XPR1: variants seen among roughly 807,000 people sequenced by gnomAD.
The protein encoded by XPR1 is xenotropic and polytropic retrovirus receptor 1, also known as solute carrier family 53 member 1.
Under a neutral mutation model 87.5 loss-of-function variants are expected in XPR1, and 28 were observed. The observed-to-expected ratio is 0.32, with a 90% CI of 0.24 to 0.44. The LOEUF (loss-of-function observed/expected upper bound fraction) is 0.44. Among genes scored for constraint, XPR1 ranks in the 20% least tolerant of loss-of-function variants. The probability of loss-of-function intolerance (pLI) is 1.00; values close to 1 mark genes in which losing one functional copy is unlikely to be tolerated. For synonymous variants in XPR1, 300 were observed against 306.1 expected, an observed-to-expected ratio of 0.98 and a Z score of 0.21; for missense variants, 559 against 862.3, an observed-to-expected ratio of 0.65 and a Z score of 4.41.
intron 7 of XPR1, among the ~76,000 whole-genome samples, chr1:180,817,461 C>G (rs1650451814): frequency 6.6e-6 from 1 of 152,178 alleles, no homozygotes; most frequent in Non-Finnish European, 1.5e-5. Flanking sequence ...GTACCCTATA[C>G]AGGTGTACCA....
intron 1 of XPR1, among the ~76,000 whole-genome samples, chr1:180,681,104 T>C (rs551688295): frequency 9.9e-5 from 15 of 152,222 alleles, no homozygotes; most frequent in Non-Finnish European, 5.9e-5. Context: ...TTAAAGGATA[T>C]AGAATTACAG....
chr1:180,729,074 A>G (rs1000922205), intron 2 of XPR1, among the ~76,000 whole-genome samples: 4 of 152,178 alleles, frequency 2.6e-5, no homozygotes, highest in Admixed American at 2.6e-4. Flanking sequence ...TCCTGCTTAT[A>G]AATGAGAACA....
chr1:180,884,891 C>T lies in XPR1; in HGVS notation c.*825C>T, dbSNP rs1446948828. On this transcript the variant is annotated 3_prime_UTR_variant, in exon 15 of 15. Coordinates refer to ENST00000367590, the MANE Select transcript of XPR1 (RefSeq NM_004736.4). ...TAAGCCAAAGTTTCATTGCTAACTTCTTAAGTTGCTGCTGCTTTAGAGTCC... is the reference window on the plus strand; with the variant it reads ...TAAGCCAAAGTTTCATTGCTAACTTTTTAAGTTGCTGCTGCTTTAGAGTCC... 1 of 152,364 alleles carries T rather than the reference C, an allele frequency of 6.6e-6. No individual in the cohort carries two copies. Among genetic ancestry groups the T allele is most frequent in the Non-Finnish European group, 1.5e-5 (1 of 68,046 alleles). The allele number at this position is 152,364 out of a possible 1,614,324, so 9.4% of individuals were successfully genotyped here.
In XPR1 at chr1:180,806,457, A is replaced by G. The variant is rs1213561498; in HGVS notation, c.598-17A>G. The G allele has an allele frequency of 1.2e-6, 2 of 1,611,494 alleles. No individual in the cohort carries two copies. Among genetic ancestry groups the G allele is most frequent in the South Asian group, 1.1e-5 (1 of 90,732 alleles). On this transcript the variant is annotated splice_polypyrimidine_tract_variant and intron_variant, in intron 5 of 14. Transcript: ENST00000367590. ...TTTAGTATAACCTAACCAAAATGTA[A>G]TAATTTGTCTTTCTAGGCTGTAGTG...
At chr1:180,733,374 C>G (rs1347528330) in intron 2 of XPR1, among the ~76,000 whole-genome samples, 1 of 152,208 alleles carries the variant, frequency 6.6e-6, no homozygotes, top group Non-Finnish European at 1.5e-5. Flanking sequence ...ACTCCCGTAT[C>G]ATTTTGGCTC....
intron 2 of XPR1, among the ~76,000 whole-genome samples, chr1:180,703,030 AATT>A (rs1435343772): frequency 2.6e-5 from 4 of 152,010 alleles, no homozygotes; most frequent in Non-Finnish European, 5.9e-5. Context: ...GTAGTTTCTG[AATT>A]ATTTATGTAG....
intron 13 of XPR1, among the ~76,000 whole-genome samples, chr1:180,877,790 CA>C (rs1652710079): frequency 6.6e-6 from 1 of 151,790 alleles, no homozygotes; most frequent in South Asian, 2.1e-4. Flanking sequence ...TAACTTTCAA[CA>C]GCAACAGTGA....
chr1:180,829,101 G>A (rs1157486542), intron 9 of XPR1, among the ~76,000 whole-genome samples: 1 of 152,088 alleles, frequency 6.6e-6, no homozygotes, highest in African/African-American at 2.4e-5. Context: ...GAGGCTGAGG[G>A]AGGAGGATCG....
At chr1:180,785,011 TTGTGTG>T (rs1186269708) in intron 2 of XPR1, among the ~76,000 whole-genome samples, 218 of 136,376 alleles carry the variant, frequency 1.6e-3, no homozygotes, top group African/African-American at 5.5e-3. Context: ...GTGTGTGTGT[TTGTGTG>T]TGTGTGTGTG....
intron 1 of XPR1, among the ~76,000 whole-genome samples, chr1:180,674,004 T>C (rs1481653666): frequency 6.6e-6 from 1 of 152,260 alleles, no homozygotes; most frequent in Non-Finnish European, 1.5e-5. Context: ...AACATTGTGA[T>C]GTAAGTTTTG....
chr1:180,691,249 T>G (rs1656984182), intron 2 of XPR1, among the ~76,000 whole-genome samples: 1 of 152,148 alleles, frequency 6.6e-6, no homozygotes, highest in Admixed American at 6.6e-5. Context: ...TTTTTATGTT[T>G]AGTATGCCTC....
intron 2 of XPR1, among the ~76,000 whole-genome samples, chr1:180,768,912 A>G (rs1176451089): frequency 1.3e-5 from 2 of 152,208 alleles, no homozygotes; most frequent in African/African-American, 2.4e-5. Flanking sequence ...TTATTGAAGG[A>G]TGTTATGGTG....
chr1:180,852,900 T>G (rs1302457194), intron 11 of XPR1, among the ~76,000 whole-genome samples: 5 of 152,178 alleles, frequency 3.3e-5, no homozygotes, highest in Non-Finnish European at 7.3e-5. Context: ...CTGTGCTTAA[T>G]TTATAGATTA....
intron 2 of XPR1, among the ~76,000 whole-genome samples, chr1:180,728,161 C>T (rs73034861): frequency 0.028 from 4,195 of 152,048 alleles, 212 homozygotes; most frequent in African/African-American, 0.094. Flanking sequence ...AATATGTATT[C>T]AGGAGCAATT....
chr1:180,762,337 TGAA>T (rs1318981194), intron 2 of XPR1, among the ~76,000 whole-genome samples: 1 of 151,708 alleles, frequency 6.6e-6, no homozygotes, highest in African/African-American at 2.4e-5. Context: ...CAATAAAACA[TGAA>T]GAAGAAACAG....
chr1:180,797,731 A>G (rs1014867454), intron 3 of XPR1, among the ~76,000 whole-genome samples: 10 of 152,116 alleles, frequency 6.6e-5, no homozygotes, highest in Admixed American at 3.9e-4. Context: ...GTATTATTTC[A>G]TTTTATGTTT....
intron 1 of XPR1, among the ~76,000 whole-genome samples, chr1:180,677,125 G>A (rs1382711818): frequency 2.0e-5 from 3 of 152,108 alleles, no homozygotes; most frequent in Admixed American, 6.5e-5. Flanking sequence ...CAGGTTAAGG[G>A]CTCCATTTCA....
chr1:180,776,457 T>A (rs1223908956), intron 2 of XPR1, among the ~76,000 whole-genome samples: 1 of 151,984 alleles, frequency 6.6e-6, no homozygotes, highest in African/African-American at 2.4e-5. Flanking sequence ...ATGGAATAAT[T>A]GTATAATGGA....
intron 1 of XPR1, among the ~76,000 whole-genome samples, chr1:180,658,398 C>T (rs963397280): frequency 6.6e-6 from 1 of 152,132 alleles, no homozygotes; most frequent in African/African-American, 2.4e-5. Context: ...AGTTTTTCCC[C>T]ATTCAGTATA....
Sources: allele counts gnomAD v4.1 joint callset (sites outside exome capture counted in the v4.1 genomes callset), GRCh38; gene constraint gnomAD v4.1.1; transcripts MANE v1.5; gene names NCBI Gene and HGNC (gene_info 2026-07-23, HGNC 2026-07-21).